CNTNAP2: variants seen among roughly 807,000 people sequenced by gnomAD.
CNTNAP2 encodes contactin associated protein 2.
A neutral mutation model predicts 155.2 loss-of-function variants in CNTNAP2; 98 were observed. That is an observed-to-expected ratio of 0.63 (90% CI 0.54 to 0.75). The LOEUF (loss-of-function observed/expected upper bound fraction) is 0.75, where lower values mean the gene tolerates loss of function less well. Among genes scored for constraint, CNTNAP2 ranks in the 30% least tolerant of loss-of-function variants. CNTNAP2 has a pLI of 0.00. For missense variants in CNTNAP2, 1,727 were observed against 1,688.1 expected (o/e 1.02, Z -0.40); for synonymous variants, 651 against 631.2 (o/e 1.03, Z -0.47).
In CNTNAP2 at chr7:146,832,617, T is replaced by A. The variant is rs527992525; in HGVS notation, c.209-7094T>A. 3.7e-4 allele frequency among the ~76,000 whole-genome samples: 55 copies of A among 148,196 alleles called. No homozygotes were observed. In the East Asian group the frequency reaches 0.011, roughly 28 times the overall value. On this transcript the variant is annotated intron_variant, in intron 2 of 23. Transcript: ENST00000361727. ...AATATATTTATTATATATTATATTT[T>A]ATATATTATAAATTTATATGAATAT...
chr7:146,777,991 T>C (rs939027762), intron 2 of CNTNAP2, among the ~76,000 whole-genome samples: 16 of 152,028 alleles, frequency 1.1e-4, no homozygotes, highest in African/African-American at 3.9e-4. Flanking sequence ...ATATGAACAT[T>C]ATAGAATCCA....
chr7:146,961,973 T>C (rs189120406), intron 3 of CNTNAP2, among the ~76,000 whole-genome samples: 1 of 152,202 alleles, frequency 6.6e-6, no homozygotes, highest in African/African-American at 2.4e-5. Context: ...TAAAGACAAT[T>C]AATGCACATT....
intron 12 of CNTNAP2, among the ~76,000 whole-genome samples, chr7:147,573,646 G>A (rs528008755): frequency 1.1e-4 from 16 of 152,198 alleles, no homozygotes; most frequent in African/African-American, 3.9e-4. Context: ...TTGCTCTCAG[G>A]TTTTAAAAGA....
intron 8 of CNTNAP2, among the ~76,000 whole-genome samples, chr7:147,285,651 T>C (rs1289823842): frequency 1.3e-5 from 2 of 152,030 alleles, no homozygotes; most frequent in African/African-American, 4.8e-5. Context: ...TAAAAAGTCA[T>C]TGACCAATAG....
At chr7:146,459,188 T>C (rs1796601336) in intron 1 of CNTNAP2, among the ~76,000 whole-genome samples, 1 of 152,208 alleles carries the variant, frequency 6.6e-6, no homozygotes, top group African/African-American at 2.4e-5. Flanking sequence ...TGAAATTGAT[T>C]TTCTCAAAAT....
Position 148,208,086 on chromosome 7 carries a change from G to A in CNTNAP2, c.3011-9202G>A, listed in dbSNP as rs1795482928. ...CCTGGGCGACAGAGCGAGACTCCGT[G>A]TCAAAAAAAAAAAAAAAAGAGGTCA... On this transcript the variant is annotated intron_variant, in intron 18 of 23. Coordinates refer to ENST00000361727, the MANE Select transcript of CNTNAP2 (RefSeq NM_014141.6). 1.6e-5 allele frequency among the ~76,000 whole-genome samples: 2 copies of A among 121,880 alleles called. 1 individual carries two copies. The highest frequency in any genetic ancestry group is 5.7e-4 in the South Asian group (2 of 3,502). 80.0% of individuals were successfully genotyped at this position (121,880 alleles called of 152,430 possible).
intron 1 of CNTNAP2, among the ~76,000 whole-genome samples, chr7:146,280,803 A>G (rs745341658): frequency 6.6e-6 from 1 of 152,128 alleles, no homozygotes; most frequent in South Asian, 2.1e-4. Context: ...TACCAATAGA[A>G]TCTCATTCTC....
chr7:147,338,365 C>G (rs1795700203), intron 9 of CNTNAP2, among the ~76,000 whole-genome samples: 1 of 151,990 alleles, frequency 6.6e-6, no homozygotes, highest in South Asian at 2.1e-4. Flanking sequence ...AAAAAATTCA[C>G]AGAATCAAAT....
intron 2 of CNTNAP2, among the ~76,000 whole-genome samples, chr7:146,838,905 G>A (rs1243810495): frequency 6.6e-6 from 1 of 151,964 alleles, no homozygotes; most frequent in African/African-American, 2.4e-5. Flanking sequence ...GTGCCTCTTA[G>A]CACTAACATT....
chr7:148,258,890 C>T (rs941114294), intron 20 of CNTNAP2, among the ~76,000 whole-genome samples: 2 of 151,734 alleles, frequency 1.3e-5, no homozygotes, highest in African/African-American at 2.4e-5. Flanking sequence ...TAAAAATTAG[C>T]CAGGCAGCCA....
intron 3 of CNTNAP2, among the ~76,000 whole-genome samples, chr7:146,989,711 A>G (rs1798175561): frequency 6.6e-6 from 1 of 152,074 alleles, no homozygotes; most frequent in South Asian, 2.1e-4. Flanking sequence ...TATCCAATCC[A>G]TCCCTTATCC....
At chr7:148,022,463 C>T (rs1232389577) in intron 15 of CNTNAP2, among the ~76,000 whole-genome samples, 5 of 102,036 alleles carry the variant, frequency 4.9e-5, no homozygotes, top group African/African-American at 1.8e-4. Context: ...AGGGAGACTC[C>T]GTCTCAAAAA....
intron 1 of CNTNAP2, among the ~76,000 whole-genome samples, chr7:146,248,776 C>T (rs984069700): frequency 1.3e-5 from 2 of 152,094 alleles, no homozygotes; most frequent in African/African-American, 4.8e-5. Flanking sequence ...GATTGATCTC[C>T]CAAGGGAAGT....
chr7:146,831,414 C>T (rs1323932566), intron 2 of CNTNAP2, among the ~76,000 whole-genome samples: 1 of 151,984 alleles, frequency 6.6e-6, no homozygotes, highest in Non-Finnish European at 1.5e-5. Flanking sequence ...CGTGGTGGCT[C>T]AGCCTGTAAT....
intron 9 of CNTNAP2, among the ~76,000 whole-genome samples, chr7:147,375,799 GT>G (rs1408944469): frequency 6.6e-6 from 1 of 151,950 alleles, no homozygotes; most frequent in Non-Finnish European, 1.5e-5. Context: ...TTTCGTTGAC[GT>G]TTCAGCCTTT....
chr7:147,616,946 T>C (rs889743259), intron 12 of CNTNAP2, among the ~76,000 whole-genome samples: 6 of 152,246 alleles, frequency 3.9e-5, no homozygotes, highest in Admixed American at 6.5e-5. Flanking sequence ...ATCTTTTATC[T>C]CCACAAGTTT....
Position 147,132,286 on chromosome 7 carries a change from T to G in CNTNAP2, c.1125T>G (p.Pro375=), listed in dbSNP as rs777413625. 6.2e-7 allele frequency: 1 copy of G among 1,613,808 alleles called. No homozygotes were observed. The highest frequency in any genetic ancestry group is 8.5e-7 in the Non-Finnish European group (1 of 1,179,794). Residue 375 remains proline (P), a synonymous_variant, in exon 8 of 24, where the codon CCT becomes CCG. Coordinates refer to ENST00000361727, the MANE Select transcript of CNTNAP2 (RefSeq NM_014141.6). ...CTTGTGTGGAACCCTATACGGTGCCTGTCTTTTTCAACGCTACAAGTTACC... is the reference window on the plus strand; with the variant it reads ...CTTGTGTGGAACCCTATACGGTGCCGGTCTTTTTCAACGCTACAAGTTACC... ...SFSCVEPYTV[P]VFFNATSYLE...
At chr7:146,857,307 T>C (rs1357659717) in intron 3 of CNTNAP2, among the ~76,000 whole-genome samples, 1 of 152,124 alleles carries the variant, frequency 6.6e-6, no homozygotes, top group African/African-American at 2.4e-5. Context: ...GTGTTCCTTA[T>C]ACTATTATTG....
At chr7:146,223,067 A>G (rs1462592179) in intron 1 of CNTNAP2, among the ~76,000 whole-genome samples, 2 of 152,112 alleles carry the variant, frequency 1.3e-5, no homozygotes, top group African/African-American at 2.4e-5. Context: ...CACTGTTGTA[A>G]TCATTTTATA....
Sources: allele counts gnomAD v4.1 joint callset (sites outside exome capture counted in the v4.1 genomes callset), GRCh38; gene constraint gnomAD v4.1.1; transcripts MANE v1.5; gene names NCBI Gene and HGNC (gene_info 2026-07-23, HGNC 2026-07-21).